Variants in SERPINI1 observed in about 807,000 individuals in gnomAD.
The protein encoded by SERPINI1 is neuroserpin.
A neutral mutation model predicts 41.1 loss-of-function variants in SERPINI1; 19 were observed. The ratio of observed to expected loss-of-function variants is 0.46; its 90% CI spans 0.32 to 0.68. The LOEUF (loss-of-function observed/expected upper bound fraction) is 0.68. Among genes scored for constraint, SERPINI1 ranks in the 30% least tolerant of loss-of-function variants. The probability of loss-of-function intolerance (pLI) is 0.03; values close to 1 mark genes in which losing one functional copy is unlikely to be tolerated. For missense variants in SERPINI1, 460 were observed against 479.2 expected, an observed-to-expected ratio of 0.96 and a Z score of 0.37; for synonymous variants, 138 against 156.6, an observed-to-expected ratio of 0.88 and a Z score of 0.89.
chr3:167,772,621 G>A (rs1004723591), intron 1 of SERPINI1, among the ~76,000 whole-genome samples: 2 of 151,714 alleles, frequency 1.3e-5, no homozygotes, highest in African/African-American at 2.4e-5. Flanking sequence ...GTGAAGTCAA[G>A]AGAATTGTTT....
At position 167,772,823 on chromosome 3, in the gene SERPINI1, A is replaced by ACTCTCTCTCTCTCT. The variant is rs1172788769; in HGVS notation, c.-18-16259_-18-16246dup. 1.1e-3 allele frequency among the ~76,000 whole-genome samples: 27 copies of ACTCTCTCTCTCTCT among 23,612 alleles called. 2 individuals carry two copies. The highest frequency in any genetic ancestry group is 2.4e-3 in the South Asian group (1 of 416). The allele number at this position is 23,612 out of a possible 152,430, so 15.5% of individuals were successfully genotyped here. On this transcript the variant is annotated intron_variant, in intron 1 of 8. Transcript: ENST00000446050. Reference sequence around the variant, plus strand: ...ATTCCAGCCTGGGCAGTATCTTGAGACTCTCTCTCTCTCTCTCTCTCTCTC... The same window carrying ACTCTCTCTCTCTCT: ...ATTCCAGCCTGGGCAGTATCTTGAGACTCTCTCTCTCTCTCTCTCTCTCTCTCTCTCTCTCTCTC...
intron 1 of SERPINI1, among the ~76,000 whole-genome samples, chr3:167,752,798 C>G (rs1371618698): frequency 6.6e-6 from 1 of 152,068 alleles, no homozygotes; most frequent in Non-Finnish European, 1.5e-5. Context: ...GAGCTCTTTT[C>G]TGCCATCAGG....
At chr3:167,779,629 C>G (rs1050172373) in intron 1 of SERPINI1, among the ~76,000 whole-genome samples, 1 of 152,148 alleles carries the variant, frequency 6.6e-6, no homozygotes, top group Non-Finnish European at 1.5e-5. Context: ...TTGAAGACAT[C>G]CAGTAATCAT....
chr3:167,810,801 C>T (rs920928298), intron 6 of SERPINI1, among the ~76,000 whole-genome samples: 1 of 152,184 alleles, frequency 6.6e-6, no homozygotes, highest in African/African-American at 2.4e-5. Context: ...CAACTTCTTT[C>T]AAAATTGGAG....
intron 1 of SERPINI1, among the ~76,000 whole-genome samples, chr3:167,748,752 CTGTGTGTGTGTGTGTGTGTG>C (rs34438429): frequency 4.4e-4 from 63 of 143,636 alleles, no homozygotes; most frequent in African/African-American, 1.5e-3. Flanking sequence ...GTGTGTTACT[CTGTGTGTGTGTGTGTGTGTG>C]TGTGTGTGTG....
At chr3:167,810,885 C>T (rs1711851961) in intron 6 of SERPINI1, among the ~76,000 whole-genome samples, 1 of 152,176 alleles carries the variant, frequency 6.6e-6, no homozygotes, top group Non-Finnish European at 1.5e-5. Flanking sequence ...GTTGTCATTT[C>T]AACGTTGTTC....
At chr3:167,750,222 A>G (rs1726000230) in intron 1 of SERPINI1, among the ~76,000 whole-genome samples, 1 of 152,214 alleles carries the variant, frequency 6.6e-6, no homozygotes, top group Non-Finnish European at 1.5e-5. Flanking sequence ...ATGTCACTAC[A>G]TGTATATGTT....
chr3:167,742,541 T>C (rs1725713187), intron 1 of SERPINI1, among the ~76,000 whole-genome samples: 1 of 152,176 alleles, frequency 6.6e-6, no homozygotes, highest in Non-Finnish European at 1.5e-5. Flanking sequence ...GTTGTTCCTG[T>C]TGAGTCTTTC....
At position 167,822,996 on chromosome 3, in the gene SERPINI1, G is replaced by T. The variant is rs372246975; in HGVS notation, c.990G>T (p.Glu330Asp). The change falls in exon 7 of 9, where the codon GAG (glutamate) becomes GAT (aspartate). Residue 330 changes from glutamate (E) to aspartate (D), a missense_variant. Transcript: ENST00000446050. ...ATTCTCTTTTTGCAGATAATAAGGA[G>T]ATTTTTCTTTCCAAAGCAATTCACA... ...ANLTGLSDNK[E>D]IFLSKAIHKS... is the part of the protein sequence containing the mutation. The T allele has an allele frequency of 2.4e-5, 39 of 1,599,088 alleles. No individual in the cohort carries two copies. In the African/African-American group the frequency reaches 4.6e-4, roughly 19 times the overall value.
intron 6 of SERPINI1, among the ~76,000 whole-genome samples, chr3:167,807,863 T>C (rs1711704547): frequency 1.3e-5 from 2 of 152,212 alleles, no homozygotes; most frequent in East Asian, 1.9e-4. Context: ...ATGCCTGTAA[T>C]CCTAGTACTT....
At position 167,807,245 on chromosome 3, in the gene SERPINI1, T is replaced by A; in HGVS notation, c.883T>A (p.Phe295Ile). Residue 295 changes from phenylalanine (F) to isoleucine (I), a missense_variant and splice_region_variant, in exon 6 of 9, where the codon TTC (phenylalanine) becomes ATC (isoleucine). Physicochemically the swap from Phe to Ile is conservative, Grantham distance 21. Transcript: ENST00000446050. ...KQKVEVYLPR[F>I]TVEQEIDLKD... is the part of the protein sequence containing the mutation. ...TTTTTCTCCCTATGTGTTCTCCAGG[T>A]TCACAGTGGAACAGGAAATTGATTT... is the stretch of plus-strand genomic sequence containing the variant. 1 of 1,606,888 alleles carries A rather than the reference T, an allele frequency of 6.2e-7. No individual in the cohort carries two copies. The highest frequency in any genetic ancestry group is 8.5e-7 in the Non-Finnish European group (1 of 1,173,788).
Position 167,794,629 on chromosome 3 carries a change from G to T in SERPINI1, c.686G>T (p.Ser229Ile), listed in dbSNP as rs1345397496. ...TTTATTTTCTTTTTAGGGGAATTTA[G>T]TGATGGCTCCAATGAAGCTGGTGGT... Reference protein sequence around the residue: ...QQGEFYYGEFSDGSNEAGGIY... With the variant: ...QQGEFYYGEFIDGSNEAGGIY... Residue 229 changes from serine to isoleucine, a missense_variant, in exon 5 of 9, where the codon AGT (serine) becomes ATT (isoleucine). Physicochemically the swap from Ser to Ile is moderately radical, Grantham distance 142 (BLOSUM62 -2). Coordinates refer to ENST00000446050, the MANE Select transcript of SERPINI1 (RefSeq NM_001122752.2). 6.2e-7 allele frequency: 1 copy of T among 1,613,234 alleles called. No homozygotes were observed. Among genetic ancestry groups the T allele is most frequent in the East Asian group, 2.2e-5 (1 of 44,868 alleles).
intron 1 of SERPINI1, among the ~76,000 whole-genome samples, chr3:167,786,614 C>T (rs1037655569): frequency 6.6e-6 from 1 of 151,438 alleles, no homozygotes; most frequent in Non-Finnish European, 1.5e-5. Flanking sequence ...CTGGGTAAAT[C>T]GGTGAATGAG....
At chr3:167,742,858 G>A (rs898598860) in intron 1 of SERPINI1, among the ~76,000 whole-genome samples, 16 of 145,982 alleles carry the variant, frequency 1.1e-4, no homozygotes, top group African/African-American at 3.9e-4. Flanking sequence ...GTGTGTGTGT[G>A]TAGAAGTTTA....
At chr3:167,758,034 C>T (rs1298574749) in intron 1 of SERPINI1, among the ~76,000 whole-genome samples, 1 of 152,194 alleles carries the variant, frequency 6.6e-6, no homozygotes, top group African/African-American at 2.4e-5. Context: ...ATTTATGTAA[C>T]ACAAATCCCT....
intron 1 of SERPINI1, among the ~76,000 whole-genome samples, chr3:167,744,363 A>G (rs1287628975): frequency 6.6e-6 from 1 of 151,614 alleles, no homozygotes; most frequent in Non-Finnish European, 1.5e-5. Flanking sequence ...TTATTTTGTA[A>G]GTGAACTATA....
chr3:167,780,318 C>T (rs1345667265), intron 1 of SERPINI1, among the ~76,000 whole-genome samples: 1 of 152,136 alleles, frequency 6.6e-6, no homozygotes, highest in African/African-American at 2.4e-5. Context: ...CCACCCTATA[C>T]TCCTACTCTC....
intron 1 of SERPINI1, among the ~76,000 whole-genome samples, chr3:167,755,702 G>C (rs1263525250): frequency 6.6e-6 from 1 of 150,566 alleles, no homozygotes; most frequent in Admixed American, 6.6e-5. Flanking sequence ...ACTTTCTTCT[G>C]TAATCTCTCA....
chr3:167,738,867 A>G (rs180944421), intron 1 of SERPINI1, among the ~76,000 whole-genome samples: 122 of 151,244 alleles, frequency 8.1e-4, no homozygotes, highest in Middle Eastern at 3.4e-3. Context: ...ATATTCATGG[A>G]TTATTAACCA....
Sources: allele counts gnomAD v4.1 joint callset (sites outside exome capture counted in the v4.1 genomes callset), GRCh38; gene constraint gnomAD v4.1.1; transcripts MANE v1.5; gene names NCBI Gene and HGNC (gene_info 2026-07-23, HGNC 2026-07-21).